The following MLLT3 variants were observed in gnomAD, a reference collection of about 807,000 sequenced individuals.
MLLT3 encodes MLLT3 super elongation complex subunit.
MLLT3 carries 4 observed loss-of-function variants against 53.2 expected under a neutral mutation model. The ratio of observed to expected loss-of-function variants is 0.08; its 90% CI spans 0.04 to 0.17. The LOEUF (loss-of-function observed/expected upper bound fraction) is 0.17. Ranked by LOEUF, MLLT3 falls within the 10% of genes least tolerant of loss-of-function variation. MLLT3 has a pLI of 1.00. For synonymous variants in MLLT3, 283 were observed against 230.6 expected (o/e 1.23, Z -2.06); for missense variants, 569 against 684.0 (o/e 0.83, Z 1.87).
intron 5 of MLLT3, chr9:20,382,521 A>G (rs1821930819): frequency 6.6e-6 from 1 of 151,902 alleles, no homozygotes. Context: ...ATGTATATTT[A>G]GATTAGACTG....
rs567799905 is a variant in MLLT3 at position 20,448,457 on chromosome 9, A to C, written c.277-191T>G. Among the ~76,000 whole-genome samples the C allele has an allele frequency of 1.3e-5, 2 of 152,290 alleles. No homozygotes were observed. The highest frequency in any genetic ancestry group is 4.8e-5 in the African/African-American group (2 of 41,566). On this transcript the variant is annotated intron_variant, in intron 3 of 10. Coordinates refer to ENST00000380338, the MANE Select transcript of MLLT3 (RefSeq NM_004529.4). The surrounding 1 kb of genome is among the most constrained non-coding windows in gnomAD (Gnocchi z 4.0). ...GAAACAAAATAGAAATGTCTGACAA[A>C]TTAGTTTCTTGTGTTAGGGGAAATG...
At chr9:20,393,686 C>T (rs961662912) in intron 5 of MLLT3, among the ~76,000 whole-genome samples, 2 of 151,984 alleles carry the variant, frequency 1.3e-5, no homozygotes, top group South Asian at 2.1e-4. Context: ...CTTTTTATTG[C>T]GTGATAAAAG....
chr9:20,367,193 C>T lies in MLLT3; in HGVS notation c.1126-1449G>A, dbSNP rs201627797. Among the ~76,000 whole-genome samples the T allele has an allele frequency of 3.9e-5, 6 of 151,954 alleles. No homozygotes were observed. In the East Asian group the frequency reaches 1.2e-3, roughly 29 times the overall value. ...CAATCTCTTACGCTCTATGAATTCT[C>T]CTTATCCTTTTCTAACCAGAAAGTT... On this transcript the variant is annotated intron_variant, in intron 5 of 10. Transcript: ENST00000380338.
In MLLT3 at chr9:20,412,319, A is replaced by G. The variant is rs142572206; in HGVS notation, c.1125+1402T>C. Among the ~76,000 whole-genome samples, 32 of 152,348 alleles carry G rather than the reference A, an allele frequency of 2.1e-4. 1 individual carries two copies. In the East Asian group the frequency reaches 5.4e-3, roughly 26 times the overall value. ...AAATAAATACTTGAGTTATTGGAAC[A>G]AACACATTCAACTCTCATCTCCATT... On this transcript the variant is annotated intron_variant, in intron 5 of 10. Coordinates refer to ENST00000380338, the MANE Select transcript of MLLT3 (RefSeq NM_004529.4).
chr9:20,365,824 C>A, intron 5 of MLLT3, 80 bp from the exon 6 acceptor site: 2 of 1,417,692 alleles, frequency 1.4e-6, no homozygotes, highest in South Asian at 2.4e-5. Context: ...TATTGTTGCT[C>A]AAACCATCCT....
chr9:20,594,617 T>C (rs1820207380), intron 2 of MLLT3, among the ~76,000 whole-genome samples: 2 of 152,112 alleles, frequency 1.3e-5, no homozygotes, highest in African/African-American at 2.4e-5. Flanking sequence ...GACAAAAGGT[T>C]GGCACAAGAC....
chr9:20,579,196 C>T (rs116959454), intron 2 of MLLT3, among the ~76,000 whole-genome samples: 7 of 152,126 alleles, frequency 4.6e-5, no homozygotes, highest in African/African-American at 1.2e-4. Flanking sequence ...AGTGAGACTA[C>T]GTCTCTAAAC....
chr9:20,539,854 T>TA (rs1818580807), intron 2 of MLLT3, among the ~76,000 whole-genome samples: 1 of 152,188 alleles, frequency 6.6e-6, no homozygotes, highest in South Asian at 2.1e-4. Context: ...TCATCTGAGA[T>TA]AAGGCAAGTC....
At chr9:20,364,312 A>G (rs1407342819) in intron 6 of MLLT3, among the ~76,000 whole-genome samples, 2 of 152,238 alleles carry the variant, frequency 1.3e-5, no homozygotes, top group African/African-American at 2.4e-5. Flanking sequence ...TCAGACAGGA[A>G]AAAGAAAAAA....
At chr9:20,347,215 A>G (rs771659186) in intron 10 of MLLT3, among the ~76,000 whole-genome samples, 1 of 152,268 alleles carries the variant, frequency 6.6e-6, no homozygotes, top group Non-Finnish European at 1.5e-5. Flanking sequence ...TGCTAGTTAC[A>G]TAAGATGTTG....
At position 20,385,841 on chromosome 9, in the gene MLLT3, T is replaced by A. The variant is rs147488330; in HGVS notation, c.1126-20097A>T. Among the ~76,000 whole-genome samples the A allele has an allele frequency of 3.5e-3, 527 of 152,326 alleles. 2 individuals carry two copies. Among genetic ancestry groups the A allele is most frequent in the African/African-American group, 0.012 (512 of 41,590 alleles). ...TGATTCCATTTTAATAATGTTCTAA[T>A]CTTAAGACCATTATGAAATGATACT... On this transcript the variant is annotated intron_variant, in intron 5 of 10. Coordinates refer to ENST00000380338, the MANE Select transcript of MLLT3 (RefSeq NM_004529.4).
At chr9:20,532,615 C>T (rs1818372937) in intron 2 of MLLT3, 1 of 257,568 alleles carries the variant, frequency 3.9e-6, no homozygotes, top group South Asian at 1.0e-4. Flanking sequence ...CCTGAAAAAG[C>T]AGGAGGCCAA....
intron 8 of MLLT3, 76 bp downstream of exon 8, chr9:20,360,666 A>G (rs1031722353): frequency 8.0e-7 from 1 of 1,243,566 alleles, no homozygotes; most frequent in African/African-American, 1.5e-5. Flanking sequence ...TTCAGGGATG[A>G]AAGTTTTGCA....
intron 2 of MLLT3, among the ~76,000 whole-genome samples, chr9:20,470,670 C>G (rs1156291163): frequency 6.6e-6 from 1 of 151,976 alleles, no homozygotes; most frequent in Non-Finnish European, 1.5e-5. Flanking sequence ...CCATCTGACT[C>G]TAGTTTCTTC....
intron 2 of MLLT3, among the ~76,000 whole-genome samples, chr9:20,508,047 G>T (rs181717243): frequency 6.6e-6 from 1 of 152,132 alleles, no homozygotes; most frequent in African/African-American, 2.4e-5. Flanking sequence ...AATCCAAAAG[G>T]AGAGGTTCTA....
At chr9:20,551,979 T>C (rs1818936281) in intron 2 of MLLT3, among the ~76,000 whole-genome samples, 1 of 152,148 alleles carries the variant, frequency 6.6e-6, no homozygotes, top group Admixed American at 6.5e-5. Context: ...ACAATTACAC[T>C]TGCTTCCCTC....
chr9:20,565,602 G>A (rs1293633621), intron 2 of MLLT3, among the ~76,000 whole-genome samples: 1 of 151,912 alleles, frequency 6.6e-6, no homozygotes, highest in Non-Finnish European at 1.5e-5. Flanking sequence ...TCTATACCAT[G>A]AGTTTTTAAA....
intron 4 of MLLT3, among the ~76,000 whole-genome samples, chr9:20,432,937 T>C (rs546992368): frequency 6.6e-6 from 1 of 152,236 alleles, no homozygotes; most frequent in South Asian, 2.1e-4. Flanking sequence ...TTTGAATGAA[T>C]GTATACATTT....
At chr9:20,545,639 A>C (rs146291804) in intron 2 of MLLT3, among the ~76,000 whole-genome samples, 4 of 152,262 alleles carry the variant, frequency 2.6e-5, no homozygotes, top group Admixed American at 1.3e-4. Flanking sequence ...TTATTTAACA[A>C]CCTTGTATTT....
Sources: gnomAD v4.1 joint callset for allele counts (sites outside exome capture counted in the v4.1 genomes callset) on GRCh38, gnomAD v4.1.1 for gene constraint, Gnocchi (gnomAD v3.1) non-coding constraint, MANE v1.5 for transcripts, NCBI Gene and HGNC (gene_info 2026-07-23, HGNC 2026-07-21) for gene names.